The following TTC7A variants were observed in gnomAD, a reference collection of about 807,000 sequenced individuals.
TTC7A encodes tetratricopeptide repeat domain 7A, also known as tetratricopeptide repeat protein 7A.
TTC7A carries 110 observed loss-of-function variants against 103.7 expected under a neutral mutation model. That is an observed-to-expected ratio of 1.06 (90% CI 0.91 to 1.24). The LOEUF (loss-of-function observed/expected upper bound fraction) is 1.24, where lower values mean the gene tolerates loss of function less well. Ranked by LOEUF, TTC7A falls within the 50% of genes most tolerant of loss-of-function variation. The pLI is 0.00. For synonymous variants in TTC7A, 521 were observed against 467.9 expected (o/e 1.11, Z -1.47); for missense variants, 1,340 against 1,116.3 (o/e 1.20, Z -2.86).
rs1679635425 is a variant in TTC7A, at chr2:47,024,311, C to T, written c.1593C>T (p.Asp531=). Reference sequence around the variant, plus strand: ...GGGCTCAGCAGCTGGCGCCCAGTGACCCCCAGGTCATCCTCTATGTCTCGC... The same window carrying T: ...GGGCTCAGCAGCTGGCGCCCAGTGATCCCCAGGTCATCCTCTATGTCTCGC... ...LERAQQLAPS[D]PQVILYVSLQ... is the part of the protein sequence containing the mutation. Residue 531 remains aspartate (D), a synonymous_variant, in exon 14 of 20, where the codon GAC becomes GAT. Coordinates refer to ENST00000319190, the MANE Select transcript of TTC7A (RefSeq NM_020458.4). 1.2e-6 allele frequency: 2 copies of T among 1,609,378 alleles called. No homozygotes were observed. The highest frequency in any genetic ancestry group is 4.5e-5 in the East Asian group (2 of 44,154).
intron 3 of TTC7A, 133 bp from the exon 4 acceptor site, chr2:46,974,840 G>A (rs764921015): frequency 3.2e-5 from 40 of 1,249,234 alleles, no homozygotes; most frequent in Non-Finnish European, 3.9e-5. Context: ...CCTCCCCTCC[G>A]CAGACCTCCG....
upstream of TTC7A, among the ~76,000 whole-genome samples, chr2:46,940,661 C>G (rs983706168): frequency 2.0e-5 from 3 of 152,348 alleles, no homozygotes; most frequent in East Asian, 5.8e-4. The surrounding 1 kb of genome is among the most constrained non-coding windows in gnomAD (Gnocchi z 4.7). Context: ...TTAGGGAAGT[C>G]AAGTTGGAAA....
upstream of TTC7A, among the ~76,000 whole-genome samples, chr2:46,936,238 TAAC>T (rs1669970904): frequency 6.6e-6 from 1 of 152,254 alleles, no homozygotes; most frequent in African/African-American, 2.4e-5. Context: ...GCCTTATTAC[TAAC>T]AACGCTACTA....
At position 47,075,539 on chromosome 2, in the gene TTC7A, C is replaced by A. The variant is rs1184011416; in HGVS notation, c.*1616C>A. The A allele has an allele frequency of 2.0e-5, 3 of 152,204 alleles. No individual in the cohort carries two copies. Among genetic ancestry groups the A allele is most frequent in the African/African-American group, 7.2e-5 (3 of 41,440 alleles). 9.4% of individuals were successfully genotyped at this position (152,204 alleles called of 1,614,324 possible). On this transcript the variant is annotated 3_prime_UTR_variant, in exon 20 of 20. Transcript: ENST00000319190. ...TGACTTTGCAGGTTGAATAAAGAAA[C>A]CCTTGGAGGGGAAGCAGGCTTGTCT...
At chr2:47,035,380 T>A (rs1472856925) in intron 15 of TTC7A, 1 of 152,234 alleles carries the variant, frequency 6.6e-6, no homozygotes, top group Non-Finnish European at 1.5e-5. Flanking sequence ...GCAAGCCACG[T>A]GGCAGAGGGA....
intron 11 of TTC7A, among the ~76,000 whole-genome samples, chr2:47,016,712 C>T (rs1269814725): frequency 6.6e-6 from 1 of 152,224 alleles, no homozygotes; most frequent in Non-Finnish European, 1.5e-5. Flanking sequence ...GACTACAGAG[C>T]CACCAGCTGT....
chr2:47,029,429 C>T (rs750409512), intron 15 of TTC7A, 45 bp downstream of exon 15: 63 of 1,608,050 alleles, frequency 3.9e-5, no homozygotes, highest in Non-Finnish European at 5.2e-5. Context: ...GCTGGCTGGC[C>T]TCTGCAGCAG....
chr2:47,073,533 G>T (rs1684953101), intron 19 of TTC7A, among the ~76,000 whole-genome samples, 169 bp from the exon 20 acceptor site: 1 of 152,178 alleles, frequency 6.6e-6, no homozygotes, highest in South Asian at 2.1e-4. Context: ...GGGCCAGGTA[G>T]GATTTGTATG....
At chr2:47,013,655 C>T (rs1406454010) in intron 11 of TTC7A, among the ~76,000 whole-genome samples, 1 of 152,182 alleles carries the variant, frequency 6.6e-6, no homozygotes, top group African/African-American at 2.4e-5. Flanking sequence ...TTTCCCTCAG[C>T]AGCATAATTA....
chr2:47,027,941 C>T (rs1397778183), intron 14 of TTC7A, among the ~76,000 whole-genome samples: 1 of 152,218 alleles, frequency 6.6e-6, no homozygotes. Context: ...CTTGTGGAAA[C>T]ATTCCCCAGA....
intron 10 of TTC7A, among the ~76,000 whole-genome samples, chr2:47,010,687 CTTAT>C (rs1400817604): frequency 6.6e-6 from 1 of 151,830 alleles, no homozygotes; most frequent in Admixed American, 6.6e-5. Context: ...CTCCAGAGTC[CTTAT>C]TTATTTGTTT....
intron 1 of TTC7A, chr2:46,942,001 A>C: frequency 1.8e-6 from 1 of 562,874 alleles, no homozygotes; most frequent in South Asian, 2.1e-5. Context: ...TGGTATCTGC[A>C]TATCATGAGA....
In TTC7A at chr2:47,030,488, G is replaced by A. The variant is rs373886507; in HGVS notation, c.1802+1104G>A. ...CTTGTGGCCTTTGCCAGCGTGCCGA[G>A]CACTGCTGTTGATGGCTTCCTTCTC... On this transcript the variant is annotated intron_variant, in intron 15 of 19. Transcript: ENST00000319190. 7.4e-4 allele frequency among the ~76,000 whole-genome samples: 112 copies of A among 152,298 alleles called. 1 individual carries two copies. Among genetic ancestry groups the A allele is most frequent in the African/African-American group, 2.6e-3 (108 of 41,572 alleles).
At chr2:46,998,445 C>A (rs1676450431) in intron 8 of TTC7A, among the ~76,000 whole-genome samples, 1 of 152,142 alleles carries the variant, frequency 6.6e-6, no homozygotes, top group Non-Finnish European at 1.5e-5. Flanking sequence ...GGGTTCCACT[C>A]TACCAGCCTC....
intron 14 of TTC7A, among the ~76,000 whole-genome samples, chr2:47,026,479 CAGACTGGGGACCCAAGGCCCCGCG>C (rs1424076874): frequency 2.0e-5 from 3 of 152,152 alleles, no homozygotes; most frequent in Admixed American, 2.0e-4. Flanking sequence ...AGAAGCCAGG[CAGACTGGGGACCCAAGGCCCCGCG>C]AGAAGGGTGG....
upstream of TTC7A, among the ~76,000 whole-genome samples, chr2:46,938,315 T>C (rs973164116): frequency 6.6e-6 from 1 of 152,218 alleles, no homozygotes; most frequent in Non-Finnish European, 1.5e-5. Context: ...AATATCAATC[T>C]TAAACTTGAT....
At chr2:47,055,823 G>A (rs920493882) in intron 18 of TTC7A, among the ~76,000 whole-genome samples, 14 of 152,068 alleles carry the variant, frequency 9.2e-5, no homozygotes, top group Admixed American at 5.9e-4. Context: ...TGGGGGGCTG[G>A]GGTGGGGTGG....
At chr2:46,921,537 C>T (rs1294115099) in intron 2 of TTC7A, among the ~76,000 whole-genome samples, 1 of 152,176 alleles carries the variant, frequency 6.6e-6, no homozygotes, top group East Asian at 1.9e-4. Flanking sequence ...ACTCTTTTGT[C>T]TCTTGTCAAA....
intron 2 of TTC7A, among the ~76,000 whole-genome samples, chr2:46,928,172 G>T (rs150015547): frequency 6.6e-6 from 1 of 151,968 alleles, no homozygotes; most frequent in Admixed American, 6.6e-5. Context: ...GATTACAGGC[G>T]TGAGTCATTG....
Sources: allele counts gnomAD v4.1 joint callset (sites outside exome capture counted in the v4.1 genomes callset), GRCh38; gene constraint gnomAD v4.1.1; non-coding constraint Gnocchi (gnomAD v3.1); transcripts MANE v1.5; gene names NCBI Gene and HGNC (gene_info 2026-07-23, HGNC 2026-07-21).